NALCN: variants seen among roughly 807,000 people sequenced by gnomAD.
NALCN encodes sodium leak channel, non-selective.
A neutral mutation model predicts 225.3 loss-of-function variants in NALCN; 111 were observed. The ratio of observed to expected loss-of-function variants is 0.49; its 90% confidence interval spans 0.42 to 0.58. The LOEUF is 0.58. Ranked by LOEUF, NALCN falls within the 20% of genes least tolerant of loss-of-function variation. The pLI is 0.00. For missense variants in NALCN, 1,378 were observed against 2,202.4 expected (o/e 0.63, Z 7.49); for synonymous variants, 764 against 769.0 (o/e 0.99, Z 0.11).
chr13:101,095,784 C>G, intron 27 of NALCN, 104 bp from the exon 28 acceptor site: 9 of 936,594 alleles, frequency 9.6e-6, no homozygotes, highest in Non-Finnish European at 1.5e-5. Flanking sequence ...TCCCAAAAGC[C>G]CTTTATCTAA....
At chr13:101,199,069 C>CATAGGTG (rs2040006380) in intron 13 of NALCN, among the ~76,000 whole-genome samples, 1 of 150,858 alleles carries the variant, frequency 6.6e-6, no homozygotes, top group Non-Finnish European at 1.5e-5. Flanking sequence ...CTTTCTCACT[C>CATAGGTG]ATAGGTGGGA....
chr13:101,057,622 T>A (rs1302353529), intron 43 of NALCN: 6 of 336,572 alleles, frequency 1.8e-5, no homozygotes, highest in Non-Finnish European at 2.8e-5. Context: ...TGCCCATGTT[T>A]GAGCATGCCT....
At chr13:101,246,380 TTACAGGAC>T (rs1189368803) in intron 11 of NALCN, among the ~76,000 whole-genome samples, 2 of 152,168 alleles carry the variant, frequency 1.3e-5, no homozygotes, top group East Asian at 3.9e-4. Flanking sequence ...CAAAGGAAGA[TTACAGGAC>T]AAAGCTCACA....
chr13:101,210,309 AG>A lies in NALCN; in HGVS notation c.1627-18256del, dbSNP rs201434673. On this transcript the variant is annotated intron_variant, in intron 13 of 43. Coordinates refer to ENST00000251127, the MANE Select transcript of NALCN (RefSeq NM_052867.4). Reference sequence around the variant, plus strand: ...CATTGATTCCTAGAAAAAATGTTAGAGACAGTCCTCTGCAGAAGTAGGCATT... The same window carrying A: ...CATTGATTCCTAGAAAAAATGTTAGAACAGTCCTCTGCAGAAGTAGGCATT... Among the ~76,000 whole-genome samples, 720 of 152,268 alleles carry A rather than the reference AG, an allele frequency of 4.7e-3. 8 individuals are homozygous for A. The highest frequency in any genetic ancestry group is 0.017 in the African/African-American group (701 of 41,554).
At chr13:101,118,345 A>T (rs946660249) in intron 18 of NALCN, among the ~76,000 whole-genome samples, 14 of 152,220 alleles carry the variant, frequency 9.2e-5, no homozygotes, top group African/African-American at 2.7e-4. Context: ...GCTTAACTAA[A>T]AACAATCTAT....
At chr13:101,309,335 T>C (rs9585659) in intron 7 of NALCN, among the ~76,000 whole-genome samples, 92 of 152,244 alleles carry the variant, frequency 6.0e-4, no homozygotes, top group African/African-American at 2.1e-3. Flanking sequence ...CAAACAAATA[T>C]GAGAAATATT....
chr13:101,345,216 TA>T (rs2045681453), intron 7 of NALCN, 49 bp downstream of exon 7: 1 of 1,574,852 alleles, frequency 6.3e-7, no homozygotes, highest in Admixed American at 1.8e-5. Flanking sequence ...GTCCACTTCA[TA>T]AACATCACAA....
At chr13:101,083,661 A>T in intron 31 of NALCN, 50 bp downstream of exon 31, 1 of 1,539,238 alleles carries the variant, frequency 6.5e-7, no homozygotes, top group Non-Finnish European at 8.9e-7. Flanking sequence ...CTCCTGGGGA[A>T]TCGTGCACAC....
chr13:101,093,734 C>T (rs190661199), intron 28 of NALCN, among the ~76,000 whole-genome samples: 1 of 152,320 alleles, frequency 6.6e-6, no homozygotes, highest in Admixed American at 6.5e-5. Flanking sequence ...TTCCAGCTCC[C>T]TGTCTGAATT....
intron 11 of NALCN, among the ~76,000 whole-genome samples, chr13:101,250,304 A>T (rs9582471): frequency 6.6e-6 from 1 of 151,724 alleles, no homozygotes; most frequent in Non-Finnish European, 1.5e-5. Context: ...GAATAGCAAG[A>T]CCAAGAACAG....
chr13:101,371,442 C>T (rs2139401641), intron 6 of NALCN, among the ~76,000 whole-genome samples: 1 of 152,220 alleles, frequency 6.6e-6, no homozygotes, highest in African/African-American at 2.4e-5. Flanking sequence ...CCTCAGTCTC[C>T]CAAAGTGCTG....
chr13:101,131,884 G>C (rs993569709), intron 17 of NALCN, among the ~76,000 whole-genome samples: 8 of 151,992 alleles, frequency 5.3e-5, no homozygotes, highest in African/African-American at 1.4e-4. Context: ...ATAGAAGAAG[G>C]CTCCTTAATT....
intron 40 of NALCN, 89 bp from the exon 41 acceptor site, chr13:101,062,207 T>A: frequency 6.8e-7 from 1 of 1,462,500 alleles, no homozygotes; most frequent in African/African-American, 1.4e-5. Context: ...AGGACATCAC[T>A]CAGTCTAATA....
At chr13:101,318,646 T>C (rs558623544) in intron 7 of NALCN, among the ~76,000 whole-genome samples, 1 of 152,270 alleles carries the variant, frequency 6.6e-6, no homozygotes, top group East Asian at 1.9e-4. Context: ...CTTTTATCCT[T>C]AGTAGGCTGA....
intron 9 of NALCN, among the ~76,000 whole-genome samples, chr13:101,284,810 C>G (rs1038878941): frequency 2.6e-5 from 4 of 152,144 alleles, no homozygotes; most frequent in Non-Finnish European, 5.9e-5. Flanking sequence ...CTATTATCTC[C>G]TAGGTATCAT....
chr13:101,323,522 T>C (rs975810625), intron 7 of NALCN, among the ~76,000 whole-genome samples: 1 of 152,240 alleles, frequency 6.6e-6, no homozygotes, highest in Non-Finnish European at 1.5e-5. Flanking sequence ...AAATTTATTT[T>C]AATATTGTAT....
chr13:101,409,768 C>T (rs911355074), intron 1 of NALCN, among the ~76,000 whole-genome samples: 3 of 152,120 alleles, frequency 2.0e-5, no homozygotes, highest in Non-Finnish European at 4.4e-5. Context: ...CAATATGAAT[C>T]CACAAATTTG....
At chr13:101,154,380 T>C (rs1448784286) in intron 15 of NALCN, among the ~76,000 whole-genome samples, 1 of 152,222 alleles carries the variant, frequency 6.6e-6, no homozygotes, top group Non-Finnish European at 1.5e-5. Flanking sequence ...ATCTTGTGCC[T>C]GTTATTCCTC....
intron 39 of NALCN, among the ~76,000 whole-genome samples, chr13:101,065,895 CA>C (rs1403451142): frequency 1.3e-5 from 2 of 152,202 alleles, no homozygotes; most frequent in African/African-American, 4.8e-5. Context: ...GCCTGTCCCA[CA>C]GACGCCACCT....
Sources: gnomAD v4.1 joint callset for allele counts (sites outside exome capture counted in the v4.1 genomes callset) on GRCh38, gnomAD v4.1.1 for gene constraint, MANE v1.5 for transcripts, NCBI Gene and HGNC (gene_info 2026-07-23, HGNC 2026-07-21) for gene names.